The following TMEM63A variants were observed in gnomAD, a reference collection of about 807,000 sequenced individuals.
The protein encoded by TMEM63A is transmembrane protein 63A, also known as mechanosensitive cation channel TMEM63A.
TMEM63A carries 76 observed loss-of-function variants against 100.6 expected under a neutral mutation model. That is an observed-to-expected ratio of 0.76 (90% CI 0.63 to 0.91). The LOEUF (loss-of-function observed/expected upper bound fraction) is 0.91. Among genes scored for constraint, TMEM63A ranks in the 40% least tolerant of loss-of-function variants. The probability of loss-of-function intolerance (pLI) is 0.00; values close to 1 mark genes in which losing one functional copy is unlikely to be tolerated. For missense variants in TMEM63A, 876 were observed against 1,008.8 expected (o/e 0.87, Z 1.78); for synonymous variants, 401 against 401.1 (o/e 1.00, Z 0.00).
Position 225,862,754 on chromosome 1 carries a change from GC to G in TMEM63A, c.827+16del. The G allele has an allele frequency of 6.2e-7, 1 of 1,613,892 alleles. No individual in the cohort carries two copies. The highest frequency in any genetic ancestry group is 8.5e-7 in the Non-Finnish European group (1 of 1,179,974). On this transcript the variant is annotated intron_variant, in intron 11 of 24. Coordinates refer to ENST00000366835, the MANE Select transcript of TMEM63A (RefSeq NM_014698.3). This position sits in a 1 kb window ranked among gnomAD's most constrained non-coding sequence, Gnocchi z 5.1. Reference sequence around the variant, plus strand: ...AAGGAAGGAGGGGGCATCTTGCAAGGCCCGCCCACCACTCACTTCTCCTTGC... The same window carrying G: ...AAGGAAGGAGGGGGCATCTTGCAAGGCCGCCCACCACTCACTTCTCCTTGC...
At chr1:225,859,562 G>A (rs879449133) in intron 14 of TMEM63A, 1 of 603,616 alleles carries the variant, frequency 1.7e-6, no homozygotes. Context: ...GCTAAAGTCT[G>A]GGGGCCAGAA....
At chr1:225,863,069 T>G (rs1670026395) in intron 10 of TMEM63A, 1 of 556,608 alleles carries the variant, frequency 1.8e-6, no homozygotes, top group South Asian at 2.0e-5. Context: ...TTTGTTTTGT[T>G]TAGAGACAGG....
intron 20 of TMEM63A, among the ~76,000 whole-genome samples, chr1:225,852,195 A>C (rs1292875345): frequency 3.3e-5 from 5 of 152,268 alleles, no homozygotes; most frequent in African/African-American, 1.2e-4. Context: ...TCATTTAAAA[A>C]TGAATGAGGC....
chr1:225,867,069 G>C lies in TMEM63A; in HGVS notation c.566+43C>G. 6.2e-7 allele frequency: 1 copy of C among 1,610,584 alleles called. No homozygotes were observed. The highest frequency in any genetic ancestry group is 8.5e-7 in the Non-Finnish European group (1 of 1,176,858). On this transcript the variant is annotated intron_variant, in intron 8 of 24. Transcript: ENST00000366835. This position sits in a 1 kb window ranked among gnomAD's most constrained non-coding sequence, Gnocchi z 4.6. ...CGGGCTCCTGACCTGCCTTCTCCTT[G>C]ATCTCACCCATCAGCACCTATCCCC...
In TMEM63A at chr1:225,856,764, C is replaced by T. The variant is rs777837823; in HGVS notation, c.1485-26G>A. The T allele has an allele frequency of 6.2e-6, 10 of 1,608,156 alleles. No individual in the cohort carries two copies. In the African/African-American group the frequency reaches 8.0e-5, roughly 13 times the overall value. Reference sequence around the variant, plus strand: ...CTGCAGGAAGTCAAAGGTGAGCACTCGCAGTCCCCCAAATGCTCTATGTGC... The same window carrying T: ...CTGCAGGAAGTCAAAGGTGAGCACTTGCAGTCCCCCAAATGCTCTATGTGC... On this transcript the variant is annotated intron_variant, in intron 16 of 24. Transcript: ENST00000366835.
At chr1:225,869,829 A>C (rs1217656601) in intron 6 of TMEM63A, among the ~76,000 whole-genome samples, 1 of 150,962 alleles carries the variant, frequency 6.6e-6, no homozygotes, top group Non-Finnish European at 1.5e-5. Context: ...AGCCTGGCTA[A>C]TTTTTGTATT....
At chr1:225,849,091 G>A (rs957630516) in intron 21 of TMEM63A, 79 bp from the exon 22 acceptor site, 29 of 1,141,050 alleles carry the variant, frequency 2.5e-5, no homozygotes, top group Admixed American at 1.1e-4. Flanking sequence ...GGAAGGGGCC[G>A]CACCTGGTGT....
At chr1:225,860,663 G>A (rs1189158158) in intron 14 of TMEM63A, 197 bp downstream of exon 14, 2 of 460,372 alleles carry the variant, frequency 4.3e-6, no homozygotes, top group Non-Finnish European at 7.2e-6. Flanking sequence ...GAATGCTAGG[G>A]AGGAACACTG....
chr1:225,845,742 G>A lies in TMEM63A; in HGVS notation c.*1197C>T, dbSNP rs1026811207. 6.0e-6 allele frequency: 2 copies of A among 333,854 alleles called. No individual in the cohort carries two copies. Among genetic ancestry groups the A allele is most frequent in the South Asian group, 5.7e-5 (2 of 35,212 alleles). The allele number at this position is 333,854 out of a possible 1,614,324, so 20.7% of individuals were successfully genotyped here. A position where few individuals can be genotyped will look rare whatever the true frequency, so the allele number is the denominator to read the frequency against. ...ACCGCCCCCACCCCTCCCAGCGCAG[G>A]GGCAGCTTGGAGCAGAGGCAGCACT... On this transcript the variant is annotated 3_prime_UTR_variant, in exon 25 of 25. Transcript: ENST00000366835.
intron 18 of TMEM63A, among the ~76,000 whole-genome samples, chr1:225,855,157 G>A (rs1669558216): frequency 6.6e-6 from 1 of 152,172 alleles, no homozygotes; most frequent in Admixed American, 6.5e-5. Context: ...TTTTAGGAAA[G>A]TCAATGCCAA....
intron 4 of TMEM63A, among the ~76,000 whole-genome samples, chr1:225,872,483 T>A (rs1210016053): frequency 6.6e-6 from 1 of 152,134 alleles, no homozygotes; most frequent in African/African-American, 2.4e-5. Context: ...TGCTGCCAAA[T>A]AAACTATGAC....
At chr1:225,881,445 A>G (rs1439995357) in intron 1 of TMEM63A, among the ~76,000 whole-genome samples, 1 of 152,204 alleles carries the variant, frequency 6.6e-6, no homozygotes, top group East Asian at 1.9e-4. Context: ...AATGGGAAAC[A>G]CAAGGGCAGG....
chr1:225,845,670 T>A lies in TMEM63A; in HGVS notation c.*1269A>T. ...GCTGGCAGAGGCACGGGAGGCCTGC[T>A]GGGGATGAGGCCACTGGCCAGGGCT... is the stretch of plus-strand genomic sequence containing the variant. On this transcript the variant is annotated 3_prime_UTR_variant, in exon 25 of 25. Transcript: ENST00000366835. 2.2e-6 allele frequency: 1 copy of A among 450,162 alleles called. No individual in the cohort carries two copies. Among genetic ancestry groups the A allele is most frequent in the Non-Finnish European group, 4.1e-6 (1 of 242,868 alleles). The allele number at this position is 450,162 out of a possible 1,614,324, so 27.9% of individuals were successfully genotyped here.
downstream of TMEM63A, chr1:225,840,930 A>G (rs1416846501): frequency 1.3e-5 from 2 of 152,242 alleles, no homozygotes; most frequent in African/African-American, 4.8e-5. Flanking sequence ...TTCTCTGATT[A>G]TAAAATACAT....
chr1:225,866,420 T>C (rs960383884), intron 9 of TMEM63A, 154 bp downstream of exon 9: 22 of 635,586 alleles, frequency 3.5e-5, no homozygotes, highest in Non-Finnish European at 6.1e-5. Context: ...TTAAAGATGG[T>C]GCCAAGTGTG....
chr1:225,866,457 GA>G, intron 9 of TMEM63A, 116 bp downstream of exon 9: 2 of 827,700 alleles, frequency 2.4e-6, no homozygotes, highest in Non-Finnish European at 1.9e-6. Context: ...CGGGGCTCCT[GA>G]GGCCCTCCCA....
rs1668940416 is a variant in TMEM63A, at chr1:225,845,839, C to G, written c.*1100G>C. On this transcript the variant is annotated 3_prime_UTR_variant, in exon 25 of 25. Coordinates refer to ENST00000366835, the MANE Select transcript of TMEM63A (RefSeq NM_014698.3). ...AGAAGGCCCAGATAAGCCCAGGCCC[C>G]CCAGGCCAGCGGACAGGCACAGGCA... is the stretch of plus-strand genomic sequence containing the variant. The G allele has an allele frequency of 4.5e-6, 1 of 223,638 alleles. No homozygotes were observed. The highest frequency in any genetic ancestry group is 5.2e-5 in the Admixed American group (1 of 19,102). The allele number at this position is 223,638 out of a possible 1,614,324, so 13.9% of individuals were successfully genotyped here. A position where few individuals can be genotyped will look rare whatever the true frequency, so the allele number is the denominator to read the frequency against.
chr1:225,871,561 C>A, intron 5 of TMEM63A: 1 of 211,132 alleles, frequency 4.7e-6, no homozygotes, highest in Non-Finnish European at 9.5e-6. Flanking sequence ...GGGCTGTTAT[C>A]CAGCTAGGAA....
chr1:225,879,729 G>C (rs979626772), intron 1 of TMEM63A, among the ~76,000 whole-genome samples: 7 of 152,188 alleles, frequency 4.6e-5, no homozygotes, highest in Admixed American at 2.6e-4. Flanking sequence ...AGAAACCCTG[G>C]AGGTTGTGGG....
Sources: gnomAD v4.1 joint callset for allele counts (sites outside exome capture counted in the v4.1 genomes callset) on GRCh38, gnomAD v4.1.1 for gene constraint, Gnocchi (gnomAD v3.1) non-coding constraint, MANE v1.5 for transcripts, NCBI Gene and HGNC (gene_info 2026-07-23, HGNC 2026-07-21) for gene names.